The following ARPP21 variants were observed in gnomAD, a reference collection of about 807,000 sequenced individuals.
The protein encoded by ARPP21 is cAMP-regulated phosphoprotein 21.
Under a neutral mutation model 113.2 loss-of-function variants are expected in ARPP21, and 69 were observed. That is an observed-to-expected ratio of 0.61 (90% confidence interval 0.50 to 0.74). ARPP21 has a LOEUF of 0.74. Ranked by LOEUF, ARPP21 falls within the 30% of genes least tolerant of loss-of-function variation. ARPP21 has a pLI of 0.00. For missense variants in ARPP21, 1,070 were observed against 1,037.4 expected (o/e 1.03, Z -0.43); for synonymous variants, 368 against 375.5 (o/e 0.98, Z 0.23).
intron 17 of ARPP21, 127 bp from the exon 18 acceptor site, chr3:35,739,190 T>G: frequency 8.8e-7 from 1 of 1,139,534 alleles, no homozygotes; most frequent in Non-Finnish European, 1.3e-6. Context: ...TTTTATTTTA[T>G]TTTTTCCAAA....
chr3:35,646,459 G>A (rs989305826), intron 1 of ARPP21, among the ~76,000 whole-genome samples: 6 of 152,088 alleles, frequency 3.9e-5, no homozygotes, highest in Non-Finnish European at 7.4e-5. Context: ...AAGTAGATTT[G>A]ATGTGAGTAT....
chr3:35,793,674 AG>A, intron 20 of ARPP21, 26 bp from the exon 21 acceptor site: 1 of 1,587,162 alleles, frequency 6.3e-7, no homozygotes, highest in Non-Finnish European at 8.7e-7. Context: ...CTCTTCATAC[AG>A]GGTTCTTGCT....
chr3:35,794,127 A>G lies in ARPP21; in HGVS notation c.*169A>G. 1 of 645,658 alleles carries G rather than the reference A, an allele frequency of 1.5e-6. No homozygotes were observed. Among genetic ancestry groups the G allele is most frequent in the Non-Finnish European group, 2.7e-6 (1 of 375,174 alleles). The allele number at this position is 645,658 out of a possible 1,614,324, so 40.0% of individuals were successfully genotyped here. A position where few individuals can be genotyped will look rare whatever the true frequency, so the allele number is the denominator to read the frequency against. On this transcript the variant is annotated 3_prime_UTR_variant, in exon 21 of 21. Transcript: ENST00000684406. ...GACTAATATACACGTTAGCTGGTTA[A>G]TGGTGCATATTTCTGTCATGTCTGC...
At chr3:35,698,199 C>G (rs1249851059) in intron 9 of ARPP21, among the ~76,000 whole-genome samples, 2 of 151,632 alleles carry the variant, frequency 1.3e-5, no homozygotes, top group Non-Finnish European at 3.0e-5. Context: ...ATTGGTCAAA[C>G]TCCATGTCAT....
intron 1 of ARPP21, among the ~76,000 whole-genome samples, chr3:35,665,036 G>A (rs933943702): frequency 1.3e-5 from 2 of 152,068 alleles, no homozygotes; most frequent in Non-Finnish European, 2.9e-5. Flanking sequence ...CAAACTTTTC[G>A]CTCCTTTGGA....
intron 1 of ARPP21, among the ~76,000 whole-genome samples, chr3:35,653,206 G>A (rs1469826329): frequency 1.3e-5 from 2 of 151,918 alleles, no homozygotes; most frequent in East Asian, 3.9e-4. Flanking sequence ...CTACTTTTTG[G>A]CTGTAGTCAT....
chr3:35,762,124 T>TCACACACACACA (rs1228601723), intron 19 of ARPP21, among the ~76,000 whole-genome samples: 259 of 141,238 alleles, frequency 1.8e-3, no homozygotes, highest in African/African-American at 6.8e-3. Context: ...TCTCTCTCTC[T>TCACACACACACA]CTCACACACA....
At chr3:35,695,315 A>G (rs1256193945) in intron 9 of ARPP21, among the ~76,000 whole-genome samples, 1 of 151,578 alleles carries the variant, frequency 6.6e-6, no homozygotes, top group African/African-American at 2.4e-5. Flanking sequence ...GCAGTCATAT[A>G]ATATACACAG....
intron 19 of ARPP21, among the ~76,000 whole-genome samples, chr3:35,744,765 T>G (rs2094913397): frequency 6.6e-6 from 1 of 152,196 alleles, no homozygotes; most frequent in Admixed American, 6.5e-5. Context: ...CTGCTACTCA[T>G]AGATGCCTGC....
At chr3:35,669,698 TCTG>T (rs1284232686) in intron 1 of ARPP21, among the ~76,000 whole-genome samples, 1 of 152,180 alleles carries the variant, frequency 6.6e-6, no homozygotes, top group Admixed American at 6.5e-5. Flanking sequence ...CATCTTTCTT[TCTG>T]AAGTGTCAAT....
intron 9 of ARPP21, among the ~76,000 whole-genome samples, chr3:35,701,076 G>A (rs1270296194): frequency 6.6e-6 from 1 of 151,604 alleles, no homozygotes; most frequent in Non-Finnish European, 1.5e-5. Flanking sequence ...TCATGATTGA[G>A]ATTGGTGATA....
intron 1 of ARPP21, among the ~76,000 whole-genome samples, chr3:35,669,856 A>G (rs1401071884): frequency 1.3e-5 from 2 of 152,140 alleles, no homozygotes; most frequent in Non-Finnish European, 2.9e-5. Flanking sequence ...ATCCATAAAT[A>G]AAATCCCCAA....
chr3:35,699,458 G>T (rs2085416232), intron 9 of ARPP21, among the ~76,000 whole-genome samples: 1 of 151,624 alleles, frequency 6.6e-6, no homozygotes, highest in African/African-American at 2.4e-5. Flanking sequence ...ATAATAACAT[G>T]TTTTAATGTT....
chr3:35,676,381 C>G (rs542944419), intron 1 of ARPP21, among the ~76,000 whole-genome samples: 1 of 75,606 alleles, frequency 1.3e-5, no homozygotes, highest in South Asian at 4.7e-4. Flanking sequence ...TAACCTTCTA[C>G]ATGTTTATAA....
intron 14 of ARPP21, among the ~76,000 whole-genome samples, chr3:35,724,345 T>C (rs2093365061): frequency 6.6e-6 from 1 of 152,186 alleles, no homozygotes; most frequent in Admixed American, 6.5e-5. Flanking sequence ...AGCAATGTGG[T>C]TGAGAAATAA....
intron 15 of ARPP21, among the ~76,000 whole-genome samples, chr3:35,732,974 A>G (rs1209035759): frequency 6.6e-6 from 1 of 152,160 alleles, no homozygotes; most frequent in Non-Finnish European, 1.5e-5. Context: ...CATAATCAGT[A>G]GCTCCCTTAT....
At chr3:35,779,243 G>A (rs1189797472) in intron 19 of ARPP21, among the ~76,000 whole-genome samples, 1 of 152,066 alleles carries the variant, frequency 6.6e-6, no homozygotes, top group African/African-American at 2.4e-5. Context: ...TGGCACAATT[G>A]GGGGAAGAAA....
chr3:35,651,591 A>T (rs1363587455), intron 1 of ARPP21: 1 of 152,112 alleles, frequency 6.6e-6, no homozygotes, highest in African/African-American at 2.4e-5. Flanking sequence ...CTGGGTTCCC[A>T]GACCTGGGCT....
At chr3:35,717,815 A>C (rs556734446) in intron 13 of ARPP21, among the ~76,000 whole-genome samples, 6 of 152,284 alleles carry the variant, frequency 3.9e-5, no homozygotes, top group African/African-American at 1.4e-4. Flanking sequence ...CTGAAGAAAG[A>C]TATGAGGTTC....
Sources: allele counts gnomAD v4.1 joint callset (sites outside exome capture counted in the v4.1 genomes callset), GRCh38; gene constraint gnomAD v4.1.1; transcripts MANE v1.5; gene names NCBI Gene and HGNC (gene_info 2026-07-23, HGNC 2026-07-21).